Variants in SNUPN observed in about 807,000 individuals in gnomAD.
SNUPN encodes snurportin-1.
SNUPN carries 31 observed loss-of-function variants against 39.2 expected under a neutral mutation model. The ratio of observed to expected loss-of-function variants is 0.79; its 90% CI spans 0.59 to 1.07. The LOEUF (loss-of-function observed/expected upper bound fraction) is 1.07. SNUPN is among the 50% of genes least tolerant of loss of function. The probability of loss-of-function intolerance (pLI) is 0.00; values close to 1 mark genes in which losing one functional copy is unlikely to be tolerated. For missense variants in SNUPN, 382 were observed against 434.2 expected, an observed-to-expected ratio of 0.88 and a Z score of 1.07; for synonymous variants, 132 against 159.0, an observed-to-expected ratio of 0.83 and a Z score of 1.28.
At position 75,616,996 on chromosome 15, in the gene SNUPN, C is replaced by CTT. The variant is rs371362247; in HGVS notation, c.303+411_303+412insAA. On this transcript the variant is annotated intron_variant, in intron 3 of 8. Transcript: ENST00000308588. ...CATAGTACACTGCCTGGGAAAGACT[C>CTT]TACCACCCAGGGAAGTGGAAGGAGT... Among the ~76,000 whole-genome samples the CTT allele has an allele frequency of 2.4e-3, 361 of 152,328 alleles. 2 individuals carry two copies. Among genetic ancestry groups the CTT allele is most frequent in the African/African-American group, 8.3e-3 (343 of 41,554 alleles).
chr15:75,623,448 CT>C (rs36102472), intron 1 of SNUPN, among the ~76,000 whole-genome samples: 75,984 of 140,704 alleles, frequency 0.54, 20,655 homozygotes, highest in African/African-American at 0.69. Context: ...CACGCCCGGC[CT>C]TTTTTTTTTT....
chr15:75,607,461 C>A (rs931598470), intron 5 of SNUPN, 148 bp from the exon 6 acceptor site: 2 of 636,864 alleles, frequency 3.1e-6, no homozygotes, highest in African/African-American at 3.6e-5. Flanking sequence ...TAAGGATTCA[C>A]TGGGGAGAGA....
chr15:75,599,161 C>G (rs1054000879), intron 8 of SNUPN, among the ~76,000 whole-genome samples: 1 of 151,328 alleles, frequency 6.6e-6, no homozygotes, highest in Non-Finnish European at 1.5e-5. Flanking sequence ...GAGTGAGACT[C>G]TGTCTCAAAA....
chr15:75,607,380 T>A, intron 5 of SNUPN, 67 bp from the exon 6 acceptor site: 1 of 1,041,180 alleles, frequency 9.6e-7, no homozygotes, highest in African/African-American at 1.6e-5. Context: ...CACCACAACC[T>A]AGGGAGCCCC....
chr15:75,607,337 A>G (rs768098468), intron 5 of SNUPN, 24 bp from the exon 6 acceptor site: 82 of 1,524,804 alleles, frequency 5.4e-5, no homozygotes, highest in Non-Finnish European at 4.3e-5. Context: ...GCAGAAAGTC[A>G]GCACAGAGTT....
chr15:75,618,347 A>C (rs1892987388), intron 2 of SNUPN, among the ~76,000 whole-genome samples: 1 of 152,092 alleles, frequency 6.6e-6, no homozygotes, highest in African/African-American at 2.4e-5. Context: ...TACGGACCGT[A>C]GGTGTATGCC....
intron 3 of SNUPN, among the ~76,000 whole-genome samples, chr15:75,611,403 C>T (rs1892776605): frequency 6.6e-6 from 1 of 151,120 alleles, no homozygotes; most frequent in Non-Finnish European, 1.5e-5. Context: ...CAGTCACCCG[C>T]CACTGTGCCC....
intron 6 of SNUPN, 44 bp from the exon 7 acceptor site, chr15:75,605,271 T>C (rs1198634253): frequency 7.4e-7 from 1 of 1,357,130 alleles, no homozygotes; most frequent in African/African-American, 1.5e-5. Context: ...ACTTTCCATT[T>C]CAAACTCTAA....
chr15:75,622,068 A>C (rs1893088847), intron 1 of SNUPN, among the ~76,000 whole-genome samples: 2 of 150,964 alleles, frequency 1.3e-5, no homozygotes, highest in South Asian at 4.2e-4. Context: ...CAAAAAAACA[A>C]ACTCTAGCGA....
intron 3 of SNUPN, among the ~76,000 whole-genome samples, chr15:75,612,037 C>CT (rs60411925): frequency 0.83 from 115,666 of 139,490 alleles, 48,674 homozygotes; most frequent in East Asian, 0.96. Flanking sequence ...CCTTTTTTTC[C>CT]TTTTTTTTTT....
chr15:75,617,385 C>G (rs1297554010), intron 3 of SNUPN, 23 bp downstream of exon 3: 13 of 1,609,204 alleles, frequency 8.1e-6, no homozygotes, highest in Non-Finnish European at 1.0e-5. Flanking sequence ...TTAGCTGGGT[C>G]TCATCTTCTC....
chr15:75,622,920 GC>G (rs757351676), intron 1 of SNUPN, among the ~76,000 whole-genome samples: 62 of 152,298 alleles, frequency 4.1e-4, no homozygotes, highest in Admixed American at 1.9e-3. Flanking sequence ...CAGGAGGTAT[GC>G]TTGAGCCCAG....
At chr15:75,601,586 A>G (rs1015314388) in intron 7 of SNUPN, among the ~76,000 whole-genome samples, 4 of 151,990 alleles carry the variant, frequency 2.6e-5, no homozygotes, top group African/African-American at 9.7e-5. Context: ...AAAAAAGCAA[A>G]AAGAAAAGAA....
rs2141356846 is a variant in SNUPN at position 75,598,435 on chromosome 15, A to G, written c.1006T>C (p.Leu336=). The G allele has an allele frequency of 6.2e-7, 1 of 1,614,178 alleles. No individual in the cohort carries two copies. The highest frequency in any genetic ancestry group is 1.1e-5 in the South Asian group (1 of 91,092). Residue 336 remains leucine (L), a synonymous_variant, in exon 9 of 9, where the codon TTG becomes CTG. Coordinates refer to ENST00000308588, the MANE Select transcript of SNUPN (RefSeq NM_005701.4). ...AACTTGGGAGTAGACAGGTGCTCCA[A>G]TTCATAGTGCCCATTCTCAGAGGCC... The part of the protein sequence containing the change: ...HKASENGHYE[L]EHLSTPKLKG...
In SNUPN at chr15:75,600,575, G is replaced by A. The variant is rs146903846; in HGVS notation, c.759+563C>T. Reference sequence around the variant, plus strand: ...TAGGCGTGAGCCACCATGCCCAGCCGCTGTGAGACTTTCAGTGCTAAAACA... The same window carrying A: ...TAGGCGTGAGCCACCATGCCCAGCCACTGTGAGACTTTCAGTGCTAAAACA... On this transcript the variant is annotated intron_variant, in intron 8 of 8. Transcript: ENST00000308588. The A allele has an allele frequency of 2.3e-4, 36 of 153,616 alleles. 1 individual carries two copies. In the South Asian group the frequency reaches 5.9e-3, roughly 25 times the overall value. 9.5% of individuals were successfully genotyped at this position (153,616 alleles called of 1,614,324 possible).
chr15:75,610,081 A>C, intron 3 of SNUPN, 87 bp from the exon 4 acceptor site: 3 of 1,020,206 alleles, frequency 2.9e-6, no homozygotes, highest in Non-Finnish European at 4.5e-6. Context: ...TCCTGTGTGT[A>C]TATTAAAAAC....
chr15:75,618,925 G>A (rs2141376967), intron 2 of SNUPN, among the ~76,000 whole-genome samples: 1 of 147,450 alleles, frequency 6.8e-6, no homozygotes, highest in South Asian at 2.1e-4. Context: ...CACGAAAAAG[G>A]AATGATGTGG....
chr15:75,613,955 C>T (rs1290127412), intron 3 of SNUPN, among the ~76,000 whole-genome samples: 1 of 152,132 alleles, frequency 6.6e-6, no homozygotes. Flanking sequence ...GAAATGAAAA[C>T]ATATGCTCAC....
At chr15:75,603,716 G>C (rs922689477) in intron 7 of SNUPN, among the ~76,000 whole-genome samples, 1 of 151,764 alleles carries the variant, frequency 6.6e-6, no homozygotes, top group South Asian at 2.1e-4. Context: ...AGTCAGGAGT[G>C]GGAACCACTG....
Sources: gnomAD v4.1 joint callset for allele counts (sites outside exome capture counted in the v4.1 genomes callset) on GRCh38, gnomAD v4.1.1 for gene constraint, MANE v1.5 for transcripts, NCBI Gene and HGNC (gene_info 2026-07-23, HGNC 2026-07-21) for gene names.